Variants in DCC observed in about 807,000 individuals in gnomAD.
DCC encodes the protein DCC netrin 1 receptor, also known as netrin receptor DCC.
A neutral mutation model predicts 172.5 loss-of-function variants in DCC; 58 were observed. The observed-to-expected ratio is 0.34, with a 90% CI of 0.27 to 0.42. DCC has a LOEUF of 0.42. Among genes scored for constraint, DCC ranks in the 10% least tolerant of loss-of-function variants. The pLI, the probability that DCC is intolerant of heterozygous loss-of-function variation, is 1.00. For synonymous variants in DCC, 709 were observed against 644.5 expected (o/e 1.10, Z -1.52); for missense variants, 1,740 against 1,791.0 (o/e 0.97, Z 0.51).
At chr18:52,987,186 T>C (rs1204960697) in intron 5 of DCC, among the ~76,000 whole-genome samples, 1 of 152,116 alleles carries the variant, frequency 6.6e-6, no homozygotes, top group Non-Finnish European at 1.5e-5. Flanking sequence ...TTTCTATCTA[T>C]ACTCACACTC....
chr18:52,389,078 C>G (rs1316801894), intron 1 of DCC, among the ~76,000 whole-genome samples: 1 of 152,050 alleles, frequency 6.6e-6, no homozygotes, highest in Non-Finnish European at 1.5e-5. Context: ...TGGAACTGCT[C>G]AGCGCTGGCT....
chr18:53,359,987 G>A (rs12970769), intron 15 of DCC, among the ~76,000 whole-genome samples: 13,064 of 152,034 alleles, frequency 0.086, 616 homozygotes, highest in Middle Eastern at 0.16. Flanking sequence ...AGTCATGTCC[G>A]GGCATTTAAA....
intron 2 of DCC, among the ~76,000 whole-genome samples, chr18:52,878,253 A>C (rs1395868888): frequency 6.6e-6 from 1 of 152,140 alleles, no homozygotes; most frequent in East Asian, 1.9e-4. Context: ...GCCATCCTCA[A>C]ATACATTCTA....
chr18:52,519,562 G>C (rs1488909146), intron 1 of DCC, among the ~76,000 whole-genome samples: 1 of 152,154 alleles, frequency 6.6e-6, no homozygotes, highest in African/African-American at 2.4e-5. Flanking sequence ...ATGGGATGGG[G>C]GAAAGTAAGA....
intron 1 of DCC, among the ~76,000 whole-genome samples, chr18:52,729,652 G>A (rs1234720008): frequency 6.6e-6 from 1 of 152,142 alleles, no homozygotes; most frequent in African/African-American, 2.4e-5. Flanking sequence ...TTCTTCTTGT[G>A]GGATTAAAGT....
intron 1 of DCC, among the ~76,000 whole-genome samples, chr18:52,633,123 T>TTCCTGTCCTGTCCTG (rs373353322): frequency 1.6e-5 from 2 of 128,798 alleles, no homozygotes; most frequent in African/African-American, 2.6e-5. Context: ...TTCCTTTCCT[T>TTCCTGTCCTGTCCTG]TCCTGTCCTG....
At chr18:52,544,561 C>T (rs1414361815) in intron 1 of DCC, among the ~76,000 whole-genome samples, 3 of 151,972 alleles carry the variant, frequency 2.0e-5, no homozygotes, top group Non-Finnish European at 4.4e-5. Context: ...ACAGTTGACT[C>T]AGTGTGCTGG....
At chr18:52,905,474 G>A (rs551762626) in intron 2 of DCC, among the ~76,000 whole-genome samples, 13 of 152,262 alleles carry the variant, frequency 8.5e-5, no homozygotes, top group East Asian at 7.8e-4. Context: ...AAATGTGGAT[G>A]AACATTTACC....
At chr18:52,373,757 T>C (rs1420814402) in intron 1 of DCC, among the ~76,000 whole-genome samples, 1 of 152,196 alleles carries the variant, frequency 6.6e-6, no homozygotes. Context: ...TGGGCTTTTG[T>C]AGCCTAAATG....
chr18:53,428,896 A>G (rs1387821271), intron 21 of DCC, among the ~76,000 whole-genome samples: 2 of 55,084 alleles, frequency 3.6e-5, no homozygotes, highest in African/African-American at 1.2e-4. Context: ...TATATTATAT[A>G]TTTTATATAT....
chr18:53,502,539 T>A (rs570110957), intron 27 of DCC, among the ~76,000 whole-genome samples: 1,336 of 152,296 alleles, frequency 8.8e-3, no homozygotes, highest in African/African-American at 0.031. Context: ...ACTTAGAGCT[T>A]TCAACAAGTT....
chr18:53,300,969 C>CTT (rs1555649213), intron 12 of DCC, among the ~76,000 whole-genome samples: 1 of 132,534 alleles, frequency 7.5e-6, no homozygotes, highest in Non-Finnish European at 1.6e-5. Flanking sequence ...TTCATTCTTT[C>CTT]TTTCTTTCTT....
intron 12 of DCC, among the ~76,000 whole-genome samples, chr18:53,280,592 G>A (rs373299987): frequency 1.2e-4 from 18 of 151,938 alleles, no homozygotes; most frequent in African/African-American, 4.3e-4. Context: ...CTCTTGCCAA[G>A]CTTCCAGCAC....
intron 5 of DCC, among the ~76,000 whole-genome samples, chr18:52,980,169 A>G (rs1188086116): frequency 6.6e-6 from 1 of 152,210 alleles, no homozygotes; most frequent in Admixed American, 6.5e-5. Context: ...AGGGAATTCA[A>G]TGAAGGATGA....
In DCC at chr18:52,340,773, G is replaced by A; in HGVS notation, c.-15G>A. The stretch of plus-strand genomic sequence containing the variant: ...GCTGCCCGCGACCCCTGGCCCCGAA[G>A]GTGTTGGCTGAAATATGGAGAATAG... On this transcript the variant is annotated 5_prime_UTR_variant, in exon 1 of 29. Transcript: ENST00000442544. The A allele has an allele frequency of 6.2e-7, 1 of 1,610,498 alleles. No homozygotes were observed. Among genetic ancestry groups the A allele is most frequent in the Non-Finnish European group, 8.5e-7 (1 of 1,176,810 alleles).
chr18:52,797,916 T>G (rs2037907921), intron 2 of DCC, among the ~76,000 whole-genome samples: 1 of 152,176 alleles, frequency 6.6e-6, no homozygotes, highest in Non-Finnish European at 1.5e-5. Flanking sequence ...CAATAGCAGT[T>G]GCAGTGGTGT....
intron 24 of DCC, among the ~76,000 whole-genome samples, chr18:53,460,053 T>C (rs1186351546): frequency 1.3e-5 from 1 of 75,208 alleles, no homozygotes; most frequent in Non-Finnish European, 2.9e-5. Context: ...TACAAAGGGA[T>C]CTGAAAAAAA....
At chr18:52,603,799 C>G (rs2082716640) in intron 1 of DCC, among the ~76,000 whole-genome samples, 3 of 152,088 alleles carry the variant, frequency 2.0e-5, no homozygotes, top group Admixed American at 2.0e-4. Context: ...GCTAAGCTTT[C>G]TTTAGAGCAT....
chr18:52,891,033 G>T (rs987527383), intron 2 of DCC, among the ~76,000 whole-genome samples: 1 of 151,980 alleles, frequency 6.6e-6, no homozygotes, highest in African/African-American at 2.4e-5. Flanking sequence ...CAGTGTAAAT[G>T]GTGTAAAATT....
Sources: allele counts gnomAD v4.1 joint callset (sites outside exome capture counted in the v4.1 genomes callset), GRCh38; gene constraint gnomAD v4.1.1; transcripts MANE v1.5; gene names NCBI Gene and HGNC (gene_info 2026-07-23, HGNC 2026-07-21).